INSC: variants seen among roughly 807,000 people sequenced by gnomAD.
The protein encoded by INSC is INSC spindle orientation adaptor protein.
A neutral mutation model predicts 58.6 loss-of-function variants in INSC; 67 were observed. The ratio of observed to expected loss-of-function variants is 1.14; its 90% CI spans 0.94 to 1.40. The LOEUF (loss-of-function observed/expected upper bound fraction) is 1.40. Ranked by LOEUF, INSC falls within the 40% of genes most tolerant of loss-of-function variation. The pLI, the probability that INSC is intolerant of heterozygous loss-of-function variation, is 0.00. For synonymous variants in INSC, 262 were observed against 276.1 expected (o/e 0.95, Z 0.51); for missense variants, 714 against 692.0 (o/e 1.03, Z -0.36).
the INSC span, among the ~76,000 whole-genome samples, chr11:15,264,101 TCAGTAGCCTTAATTACATCTAC>T: frequency 7.8e-6 from 1 of 128,650 alleles, no homozygotes; most frequent in African/African-American, 2.9e-5. Flanking sequence ...TTTTCAAAGG[TCAGTAGCCTTAATTACATCTAC>T]CAGTAGCCTT....
In INSC at chr11:15,169,549, G is replaced by C. The variant is rs201139000; in HGVS notation, c.57-6192G>C. On this transcript the variant is annotated intron_variant, in intron 2 of 12. Coordinates refer to ENST00000379556, the MANE Select transcript of INSC (RefSeq NM_001042536.3). ...GTTGTTGTTGTTTGTTTGTTTGTTT[G>C]TTTGTTTTTTTAGATGGAGTCTCAC... is the stretch of plus-strand genomic sequence containing the variant. 1.2e-4 allele frequency among the ~76,000 whole-genome samples: 15 copies of C among 128,716 alleles called. 1 individual carries two copies. In the East Asian group the frequency reaches 4.0e-3, roughly 34 times the overall value. 84.4% of individuals were successfully genotyped at this position (128,716 alleles called of 152,430 possible).
chr11:15,204,100 G>A (rs917876653), intron 7 of INSC, among the ~76,000 whole-genome samples: 2 of 152,202 alleles, frequency 1.3e-5, no homozygotes, highest in Admixed American at 1.3e-4. Flanking sequence ...TAAGGAAGAT[G>A]TCATGACCAC....
chr11:15,115,373 A>C (rs1429867874), intron 1 of INSC, among the ~76,000 whole-genome samples: 1 of 152,174 alleles, frequency 6.6e-6, no homozygotes, highest in Non-Finnish European at 1.5e-5. Context: ...GCCAGTCCAC[A>C]TGTGGATGAG....
At position 15,149,196 on chromosome 11, in the gene INSC, C is replaced by T. The variant is rs777598307; in HGVS notation, c.22C>T (p.Arg8Cys). The change falls in exon 2 of 13, where the codon CGC becomes TGC. Residue 8 changes from arginine (R) to cysteine (C), a missense_variant. Transcript: ENST00000379556. ...CAACATGATGGCACTGCCTGGAGGT[C>T]GCCACCTGGACTCCGTCACCCTGCC... Reference protein sequence around the residue: MMALPGGRHLDSVTLPGQ... With the variant: MMALPGGCHLDSVTLPGQ... The T allele has an allele frequency of 5.0e-5, 81 of 1,609,822 alleles. No homozygotes were observed. The highest frequency in any genetic ancestry group is 3.3e-4 in the Middle Eastern group (2 of 6,066).
chr11:15,178,458 G>A lies in INSC; in HGVS notation c.579+11G>A, dbSNP rs1849651193. 7 of 1,607,030 alleles carry A rather than the reference G, an allele frequency of 4.4e-6. No individual in the cohort carries two copies. Among genetic ancestry groups the A allele is most frequent in the Non-Finnish European group, 5.9e-6 (7 of 1,179,576 alleles). ...ACACGGGAGGTTCAGGTCAGTGCAG[G>A]CTGGGCTGCAGGGAGGGGTGCTTGT... On this transcript the variant is annotated intron_variant, in intron 5 of 12. Transcript: ENST00000379556.
At chr11:15,190,959 T>A in intron 6 of INSC, 145 bp downstream of exon 6, 1 of 589,824 alleles carries the variant, frequency 1.7e-6, no homozygotes, top group South Asian at 2.1e-5. Context: ...ACTTATCCTA[T>A]CTGGGACTTG....
upstream of INSC, among the ~76,000 whole-genome samples, chr11:15,113,876 C>G (rs77444570): frequency 1.3e-5 from 2 of 152,110 alleles, no homozygotes; most frequent in East Asian, 1.9e-4. Flanking sequence ...AGTGGGACCT[C>G]GGCGTGGTCG....
rs1852579109 is a variant in INSC at position 15,246,744 on chromosome 11, G to C, written c.*704G>C. ...AAACCCTGCTTCCTTTGGCTTCTTT[G>C]CTTTTGTGTAACCTCCTGTTCACCT... On this transcript the variant is annotated 3_prime_UTR_variant, in exon 13 of 13. Coordinates refer to ENST00000379556, the MANE Select transcript of INSC (RefSeq NM_001042536.3). 1 of 152,190 alleles carries C rather than the reference G, an allele frequency of 6.6e-6. No homozygotes were observed. The highest frequency in any genetic ancestry group is 2.1e-4 in the South Asian group (1 of 4,830). The allele number at this position is 152,190 out of a possible 1,614,324, so 9.4% of individuals were successfully genotyped here.
chr11:15,199,124 G>A (rs1418104559), intron 6 of INSC, among the ~76,000 whole-genome samples: 1 of 152,186 alleles, frequency 6.6e-6, no homozygotes, highest in Non-Finnish European at 1.5e-5. Flanking sequence ...GAGACCATGA[G>A]TTTATTGTGG....
intron 1 of INSC, among the ~76,000 whole-genome samples, chr11:15,132,809 T>G (rs1282088333): frequency 6.6e-6 from 1 of 152,222 alleles, no homozygotes; most frequent in Non-Finnish European, 1.5e-5. Flanking sequence ...TATGGAATTT[T>G]GGGACAATTA....
chr11:15,138,130 A>G (rs1171293219), intron 1 of INSC, among the ~76,000 whole-genome samples: 2 of 150,038 alleles, frequency 1.3e-5, no homozygotes, highest in African/African-American at 4.9e-5. Flanking sequence ...CACATACAAA[A>G]CTTATTAGTT....
intron 1 of INSC, among the ~76,000 whole-genome samples, chr11:15,133,099 C>T (rs72859840): frequency 1.8e-4 from 28 of 152,200 alleles, no homozygotes; most frequent in Non-Finnish European, 3.7e-4. Flanking sequence ...TCACCATTTC[C>T]CCCATTCTCT....
chr11:15,238,100 T>G (rs558051043), intron 10 of INSC, among the ~76,000 whole-genome samples: 18 of 151,860 alleles, frequency 1.2e-4, no homozygotes, highest in Non-Finnish European at 2.5e-4. Context: ...AGGGTGGAGT[T>G]TTTTAGATGG....
the INSC span, among the ~76,000 whole-genome samples, chr11:15,260,364 T>C: frequency 1.1e-4 from 17 of 152,170 alleles, no homozygotes; most frequent in Non-Finnish European, 2.2e-4. Context: ...TGATCTAATT[T>C]ATTCATTTTG....
chr11:15,175,370 T>C (rs566922982), intron 2 of INSC, among the ~76,000 whole-genome samples: 3 of 152,316 alleles, frequency 2.0e-5, no homozygotes, highest in Admixed American at 6.5e-5. Flanking sequence ...TTAGGCTATT[T>C]CCATTAACTT....
At chr11:15,180,792 C>A (rs1301635611) in intron 5 of INSC, among the ~76,000 whole-genome samples, 5 of 151,876 alleles carry the variant, frequency 3.3e-5, no homozygotes, top group African/African-American at 4.8e-5. Flanking sequence ...CCCTTCCCTG[C>A]CAGCAAGTCC....
At chr11:15,170,993 T>C (rs1219245727) in intron 2 of INSC, among the ~76,000 whole-genome samples, 1 of 152,212 alleles carries the variant, frequency 6.6e-6, no homozygotes, top group Non-Finnish European at 1.5e-5. Context: ...TTCTGAAATC[T>C]CACTTTCTTT....
At chr11:15,155,827 A>T (rs1564873707) in intron 2 of INSC, among the ~76,000 whole-genome samples, 1 of 152,242 alleles carries the variant, frequency 6.6e-6, no homozygotes, top group Non-Finnish European at 1.5e-5. Flanking sequence ...TTCACCCTAG[A>T]GTTTTGGGGA....
chr11:15,143,328 T>A (rs771352801), intron 1 of INSC, among the ~76,000 whole-genome samples: 2 of 152,054 alleles, frequency 1.3e-5, no homozygotes, highest in African/African-American at 4.8e-5. Flanking sequence ...CCTGAGGAAG[T>A]GGCATTTGTT....
Sources: allele counts gnomAD v4.1 joint callset (sites outside exome capture counted in the v4.1 genomes callset), GRCh38; gene constraint gnomAD v4.1.1; transcripts MANE v1.5; gene names NCBI Gene and HGNC (gene_info 2026-07-23, HGNC 2026-07-21).